The following PHF21B variants were observed in gnomAD, a reference collection of about 807,000 sequenced individuals.
PHF21B encodes the protein PHD finger protein 21B, also known as PHD finger protein 4.
PHF21B carries 22 observed loss-of-function variants against 62.2 expected under a neutral mutation model. That is an observed-to-expected ratio of 0.35 (90% CI 0.25 to 0.51). The LOEUF is 0.51. Ranked by LOEUF, PHF21B falls within the 20% of genes least tolerant of loss-of-function variation. PHF21B has a pLI of 0.97. For synonymous variants in PHF21B, 341 were observed against 314.7 expected (o/e 1.08, Z -0.88); for missense variants, 701 against 707.9 (o/e 0.99, Z 0.11).
At position 44,904,875 on chromosome 22, in the gene PHF21B, A is replaced by G. The variant is rs58205685; in HGVS notation, c.832-8792T>C. On this transcript the variant is annotated intron_variant, in intron 5 of 12. Coordinates refer to ENST00000313237, the MANE Select transcript of PHF21B (RefSeq NM_138415.5). ...GACAGGGCTGGGTCAGGTTGGCAGCAACTTTCCCTCGGCAGTCTGCAGATA... is the reference window on the plus strand; with the variant it reads ...GACAGGGCTGGGTCAGGTTGGCAGCGACTTTCCCTCGGCAGTCTGCAGATA... Among the ~76,000 whole-genome samples the G allele has an allele frequency of 8.2e-3, 810 of 99,038 alleles. 210 individuals carry two copies. In the East Asian group the frequency reaches 0.32, roughly 39 times the overall value. 65.0% of individuals were successfully genotyped at this position (99,038 alleles called of 152,430 possible).
intron 12 of PHF21B, among the ~76,000 whole-genome samples, chr22:44,884,721 A>G (rs1246881419): frequency 7.3e-6 from 1 of 137,268 alleles, no homozygotes; most frequent in African/African-American, 2.6e-5. Context: ...CACCATGATC[A>G]CCATCACCAC....
At chr22:44,893,908 G>C (rs2071011752) in intron 6 of PHF21B, among the ~76,000 whole-genome samples, 1 of 152,254 alleles carries the variant, frequency 6.6e-6, no homozygotes. Context: ...GTGAGCTGCA[G>C]GGTGAGGCTC....
intron 2 of PHF21B, among the ~76,000 whole-genome samples, chr22:44,958,461 A>G (rs1042552677): frequency 1.3e-5 from 2 of 152,074 alleles, no homozygotes; most frequent in African/African-American, 4.8e-5. Flanking sequence ...CTCTCTGCCA[A>G]TACCCCTGTT....
intron 5 of PHF21B, chr22:44,902,044 C>T: frequency 4.2e-6 from 1 of 236,246 alleles, no homozygotes; most frequent in Non-Finnish European, 8.9e-6. Flanking sequence ...CTGGACACCA[C>T]AGAGGCAAGA....
intron 2 of PHF21B, among the ~76,000 whole-genome samples, chr22:44,977,655 T>C (rs535619327): frequency 6.6e-6 from 1 of 151,982 alleles, no homozygotes; most frequent in South Asian, 2.1e-4. Flanking sequence ...CATGGCTCAC[T>C]GCAGCCTCAA....
chr22:44,934,980 G>A (rs889313531), intron 2 of PHF21B, among the ~76,000 whole-genome samples: 6 of 151,942 alleles, frequency 3.9e-5, no homozygotes, highest in East Asian at 1.9e-4. Flanking sequence ...CTTTGGAGAG[G>A]AGGACAGTCC....
intron 2 of PHF21B, among the ~76,000 whole-genome samples, chr22:44,956,782 C>T (rs147935312): frequency 1.3e-5 from 2 of 152,318 alleles, no homozygotes; most frequent in African/African-American, 4.8e-5. Context: ...ACTTTGGAAA[C>T]AGAAAACTTG....
chr22:44,932,722 G>A (rs2071765917), intron 2 of PHF21B, among the ~76,000 whole-genome samples: 1 of 152,270 alleles, frequency 6.6e-6, no homozygotes, highest in Admixed American at 6.5e-5. Context: ...GAATGCCGAT[G>A]ACGGCCCAGC....
intron 2 of PHF21B, among the ~76,000 whole-genome samples, chr22:44,964,552 A>C (rs556827233): frequency 3.3e-5 from 5 of 152,342 alleles, no homozygotes; most frequent in African/African-American, 9.6e-5. Context: ...CAGCATTTAA[A>C]TGACCCGATT....
chr22:44,918,358 C>T (rs769220853), intron 3 of PHF21B, among the ~76,000 whole-genome samples: 12 of 152,190 alleles, frequency 7.9e-5, no homozygotes, highest in Non-Finnish European at 1.5e-4. Flanking sequence ...TGGGCATGGG[C>T]GAGCTGGCGT....
intron 2 of PHF21B, among the ~76,000 whole-genome samples, chr22:44,985,098 T>G (rs1473124248): frequency 6.6e-6 from 1 of 152,218 alleles, no homozygotes. Context: ...CTTCAGTGAC[T>G]AGGACTTCGA....
At chr22:44,885,174 C>T (rs1383279005) in intron 12 of PHF21B, among the ~76,000 whole-genome samples, 1 of 152,262 alleles carries the variant, frequency 6.6e-6, no homozygotes, top group Non-Finnish European at 1.5e-5. Flanking sequence ...TCTGCATCCA[C>T]ACCTGTGGTT....
chr22:44,889,093 A>G (rs1381017492), intron 9 of PHF21B, among the ~76,000 whole-genome samples: 4 of 152,252 alleles, frequency 2.6e-5, no homozygotes, highest in Non-Finnish European at 4.4e-5. Context: ...GCTGACTGCA[A>G]TCATCACCTA....
At chr22:44,928,302 CTG>C (rs2147332076) in intron 2 of PHF21B, among the ~76,000 whole-genome samples, 1 of 152,324 alleles carries the variant, frequency 6.6e-6, no homozygotes, top group South Asian at 2.1e-4. Context: ...AACTCCCTGA[CTG>C]TCCCATTGGT....
At chr22:44,885,651 T>G in intron 11 of PHF21B, 122 bp from the exon 12 acceptor site, 1 of 1,097,180 alleles carries the variant, frequency 9.1e-7, no homozygotes, top group African/African-American at 1.6e-5. Flanking sequence ...AAGAAGCCAG[T>G]GGCTGTGGCC....
chr22:44,953,625 A>G (rs1664053692), intron 2 of PHF21B, among the ~76,000 whole-genome samples: 2 of 152,022 alleles, frequency 1.3e-5, no homozygotes, highest in Non-Finnish European at 1.5e-5. Flanking sequence ...GCTAAAATGG[A>G]GATTCCCCAG....
At chr22:44,961,244 C>T (rs1051086661) in intron 2 of PHF21B, among the ~76,000 whole-genome samples, 7 of 152,024 alleles carry the variant, frequency 4.6e-5, no homozygotes, top group Non-Finnish European at 1.0e-4. Context: ...CATGAGCCAC[C>T]GTGCCCAGAC....
chr22:44,956,522 T>A (rs916669839), intron 2 of PHF21B, among the ~76,000 whole-genome samples: 1 of 152,226 alleles, frequency 6.6e-6, no homozygotes, highest in South Asian at 2.1e-4. Context: ...CAGGTGGCAA[T>A]TTAGCCCTTG....
chr22:44,887,206 C>T lies in PHF21B; in HGVS notation c.1197+757G>A, dbSNP rs117286346. ...AAAGAAAGGTAACTCCCTATGACCA[C>T]ACAAGTCATGCATCTGTGGAAGGCA... On this transcript the variant is annotated intron_variant, in intron 10 of 12. Transcript: ENST00000313237. 8.4e-3 allele frequency among the ~76,000 whole-genome samples: 1,264 copies of T among 150,632 alleles called. 17 individuals carry two copies. Among genetic ancestry groups the T allele is most frequent in the East Asian group, 0.047 (243 of 5,118 alleles).
Sources: allele counts gnomAD v4.1 joint callset (sites outside exome capture counted in the v4.1 genomes callset), GRCh38; gene constraint gnomAD v4.1.1; transcripts MANE v1.5; gene names NCBI Gene and HGNC (gene_info 2026-07-23, HGNC 2026-07-21).